Variants in ATF1 observed in about 807,000 individuals in gnomAD.
ATF1 encodes cyclic AMP-dependent transcription factor ATF-1.
Under a neutral mutation model 34.7 loss-of-function variants are expected in ATF1, and 16 were observed. The ratio of observed to expected loss-of-function variants is 0.46; its 90% CI spans 0.31 to 0.70. ATF1 has a LOEUF of 0.70. ATF1 is among the 30% of genes least tolerant of loss of function. The pLI is 0.05. For missense variants in ATF1, 255 were observed against 321.6 expected (o/e 0.79, Z 1.58); for synonymous variants, 105 against 113.1 (o/e 0.93, Z 0.46).
At chr12:50,798,212 A>G (rs1219785174) in intron 3 of ATF1, among the ~76,000 whole-genome samples, 1 of 152,138 alleles carries the variant, frequency 6.6e-6, no homozygotes, top group Non-Finnish European at 1.5e-5. Flanking sequence ...TGAAAGGAAT[A>G]TAAATGTGAG....
intron 1 of ATF1, among the ~76,000 whole-genome samples, chr12:50,766,718 C>T (rs1313470041): frequency 2.0e-5 from 3 of 149,192 alleles, no homozygotes; most frequent in South Asian, 4.3e-4. Flanking sequence ...CCCTTTGCTG[C>T]GTACAAGCGG....
chr12:50,776,462 C>T (rs1940926780), intron 1 of ATF1, among the ~76,000 whole-genome samples: 1 of 145,702 alleles, frequency 6.9e-6, no homozygotes, highest in African/African-American at 2.6e-5. Context: ...CACTGCACTC[C>T]AGCCAGGGTC....
chr12:50,777,934 ATC>A (rs1445655949), intron 1 of ATF1, among the ~76,000 whole-genome samples: 11 of 101,632 alleles, frequency 1.1e-4, no homozygotes, highest in African/African-American at 3.8e-4. Flanking sequence ...GGAATTTACT[ATC>A]TTTTTTTTTT....
At chr12:50,783,445 T>C (rs1941114619) in intron 2 of ATF1, among the ~76,000 whole-genome samples, 1 of 151,766 alleles carries the variant, frequency 6.6e-6, no homozygotes, top group African/African-American at 2.4e-5. Flanking sequence ...TTCAGTTGGC[T>C]TACTTATATC....
At chr12:50,801,554 A>G (rs1019853188) in intron 3 of ATF1, among the ~76,000 whole-genome samples, 2 of 152,210 alleles carry the variant, frequency 1.3e-5, no homozygotes, top group Non-Finnish European at 2.9e-5. Context: ...ATGAATATAG[A>G]CACAAAAAAT....
intron 2 of ATF1, among the ~76,000 whole-genome samples, chr12:50,788,822 A>G (rs112893410): frequency 1.2e-4 from 18 of 152,270 alleles, no homozygotes; most frequent in African/African-American, 4.3e-4. Flanking sequence ...CTCATAGTAT[A>G]AACAATTGGC....
rs920308018 is a variant in ATF1 at position 50,813,887 on chromosome 12, A to C, written c.329-123A>C. On this transcript the variant is annotated intron_variant, in intron 4 of 6. Coordinates refer to ENST00000262053, the MANE Select transcript of ATF1 (RefSeq NM_005171.5). ...GTTCACCTAAAGTAAAGTAGTCTGC[A>C]GTTACCAAGTAGAAGTGCATTCATA... The C allele has an allele frequency of 4.7e-6, 4 of 856,708 alleles. No homozygotes were observed. The African/African-American group carries it at 6.9e-5, about 15-fold the overall frequency. The allele number at this position is 856,708 out of a possible 1,614,324, so 53.1% of individuals were successfully genotyped here.
At chr12:50,778,007 C>A (rs1372344468) in intron 1 of ATF1, among the ~76,000 whole-genome samples, 1 of 149,226 alleles carries the variant, frequency 6.7e-6, no homozygotes, top group Admixed American at 6.7e-5. Flanking sequence ...AGCCTTGACT[C>A]CTGGGCTGCA....
At chr12:50,776,291 G>C (rs1283719232) in intron 1 of ATF1, among the ~76,000 whole-genome samples, 1 of 150,646 alleles carries the variant, frequency 6.6e-6, no homozygotes, top group Non-Finnish European at 1.5e-5. Flanking sequence ...ACTCCAGCCT[G>C]GGTGACAGAG....
chr12:50,820,254 ATAAAG>A lies in ATF1; in HGVS notation c.*478_*482del. On this transcript the variant is annotated 3_prime_UTR_variant, in exon 7 of 7. Transcript: ENST00000262053. ...GAAAACCTAGTACATTACTAAATAT[ATAAAG>A]TATATGTTCTGATTATGTATACTTG... 1 of 196,100 alleles carries A rather than the reference ATAAAG, an allele frequency of 5.1e-6. No individual in the cohort carries two copies. The highest frequency in any genetic ancestry group is 1.1e-5 in the Non-Finnish European group (1 of 94,532). 12.1% of individuals were successfully genotyped at this position (196,100 alleles called of 1,614,324 possible).
At chr12:50,817,854 A>C (rs1941874361) in intron 6 of ATF1, among the ~76,000 whole-genome samples, 1 of 152,220 alleles carries the variant, frequency 6.6e-6, no homozygotes, top group African/African-American at 2.4e-5. Context: ...GTGCATAATG[A>C]GGGAAATGTT....
chr12:50,809,046 A>T (rs1325753894), intron 3 of ATF1, among the ~76,000 whole-genome samples: 1 of 152,160 alleles, frequency 6.6e-6, no homozygotes, highest in East Asian at 1.9e-4. Flanking sequence ...CCCGATTATT[A>T]TAACTTTTAC....
At chr12:50,814,623 A>G (rs548582886) in intron 6 of ATF1, among the ~76,000 whole-genome samples, 184 bp downstream of exon 6, 1 of 152,310 alleles carries the variant, frequency 6.6e-6, no homozygotes, top group African/African-American at 2.4e-5. Context: ...GTCCTGTGCT[A>G]ATGTCATAGT....
At chr12:50,773,925 C>T (rs1486774299) in intron 1 of ATF1, among the ~76,000 whole-genome samples, 1 of 152,106 alleles carries the variant, frequency 6.6e-6, no homozygotes, top group Non-Finnish European at 1.5e-5. Flanking sequence ...GATGGTATCT[C>T]ATTGCGGTTT....
intron 1 of ATF1, chr12:50,764,744 C>G (rs1940587190): frequency 6.6e-6 from 1 of 152,292 alleles, no homozygotes; most frequent in East Asian, 1.9e-4. Context: ...CGACAGGGTC[C>G]TCGAAGCGCG....
At chr12:50,809,273 C>G (rs1941681108) in intron 3 of ATF1, among the ~76,000 whole-genome samples, 183 bp from the exon 4 acceptor site, 1 of 149,602 alleles carries the variant, frequency 6.7e-6, no homozygotes, top group Non-Finnish European at 1.5e-5. Context: ...ACTTGGGAGG[C>G]TGGGGCACAA....
intron 2 of ATF1, among the ~76,000 whole-genome samples, chr12:50,789,362 C>T (rs2139662498): frequency 6.6e-6 from 1 of 152,230 alleles, no homozygotes; most frequent in East Asian, 1.9e-4. Flanking sequence ...CCATGCCTGG[C>T]CTGTTTACTA....
chr12:50,763,672 G>C (rs1314037232), upstream of ATF1: 3 of 145,380 alleles, frequency 2.1e-5, no homozygotes, highest in Non-Finnish European at 1.5e-5. Context: ...AGCTGAGGAA[G>C]TCAAAGCCTT....
chr12:50,795,779 T>A (rs1941395577), intron 2 of ATF1, 130 bp from the exon 3 acceptor site: 4 of 729,278 alleles, frequency 5.5e-6, no homozygotes, highest in African/African-American at 1.8e-5. Context: ...TCCTTTCTTT[T>A]AGACTTTAGA....
Sources: gnomAD v4.1 joint callset for allele counts (sites outside exome capture counted in the v4.1 genomes callset) on GRCh38, gnomAD v4.1.1 for gene constraint, MANE v1.5 for transcripts, NCBI Gene and HGNC (gene_info 2026-07-23, HGNC 2026-07-21) for gene names.